SPAG1: variants seen among roughly 807,000 people sequenced by gnomAD.
SPAG1 encodes the protein sperm-associated antigen 1.
In SPAG1, 69 loss-of-function variants were observed where a neutral mutation model predicts 100.5. The observed-to-expected ratio is 0.69, with a 90% CI of 0.57 to 0.84. The LOEUF is 0.84. Ranked by LOEUF, SPAG1 falls within the 40% of genes least tolerant of loss-of-function variation. The pLI, the probability that SPAG1 is intolerant of heterozygous loss-of-function variation, is 0.00. For synonymous variants in SPAG1, 336 were observed against 411.6 expected (o/e 0.82, Z 2.22); for missense variants, 955 against 1,133.1 (o/e 0.84, Z 2.26).
intron 10 of SPAG1, among the ~76,000 whole-genome samples, chr8:100,199,377 T>A (rs1351956399): frequency 1.3e-5 from 2 of 152,232 alleles, no homozygotes; most frequent in Admixed American, 6.5e-5. Flanking sequence ...ATGTTGACTG[T>A]CTCTTCAATC....
chr8:100,180,235 G>C (rs1245930140), intron 4 of SPAG1, among the ~76,000 whole-genome samples: 1 of 152,112 alleles, frequency 6.6e-6, no homozygotes, highest in East Asian at 1.9e-4. Context: ...CTATTCAGGA[G>C]ACTGAGGTAA....
chr8:100,224,304 C>G (rs962526378), intron 13 of SPAG1, among the ~76,000 whole-genome samples: 68 of 152,054 alleles, frequency 4.5e-4, no homozygotes, highest in Non-Finnish European at 9.3e-4. Flanking sequence ...AATCTCAGCA[C>G]TTTGGTAGGC....
intron 9 of SPAG1, among the ~76,000 whole-genome samples, chr8:100,192,956 G>T (rs1816875531): frequency 6.6e-6 from 1 of 152,060 alleles, no homozygotes; most frequent in African/African-American, 2.4e-5. Flanking sequence ...CATATGCAAA[G>T]ATTAACTCAA....
At chr8:100,233,014 G>A (rs28497060) in intron 15 of SPAG1, among the ~76,000 whole-genome samples, 9,338 of 152,238 alleles carry the variant, frequency 0.061, 348 homozygotes, top group Non-Finnish European at 0.082. Context: ...ATTTGCATTG[G>A]ATAATTCTTA....
At chr8:100,205,033 A>T (rs749425468) in intron 10 of SPAG1, among the ~76,000 whole-genome samples, 1 of 152,202 alleles carries the variant, frequency 6.6e-6, no homozygotes, top group Non-Finnish European at 1.5e-5. Context: ...AGTGAAATTG[A>T]TAGGAAGCCT....
At chr8:100,207,184 C>T (rs1232647583) in intron 10 of SPAG1, among the ~76,000 whole-genome samples, 1 of 152,174 alleles carries the variant, frequency 6.6e-6, no homozygotes, top group Non-Finnish European at 1.5e-5. Flanking sequence ...CTTTCTGACC[C>T]ATCTAGCCAT....
chr8:100,187,618 T>G (rs1031843057), intron 8 of SPAG1, among the ~76,000 whole-genome samples: 9 of 151,964 alleles, frequency 5.9e-5, no homozygotes, highest in Non-Finnish European at 1.0e-4. Context: ...ATTGCTTGAG[T>G]CTAGGAGTTT....
intron 8 of SPAG1, 143 bp downstream of exon 8, chr8:100,187,393 C>A: frequency 1.8e-6 from 1 of 563,344 alleles, no homozygotes; most frequent in Non-Finnish European, 2.7e-6. Context: ...CATAAAGTTG[C>A]TTTTAAATTG....
At chr8:100,204,995 T>C (rs944898826) in intron 10 of SPAG1, among the ~76,000 whole-genome samples, 3 of 152,174 alleles carry the variant, frequency 2.0e-5, no homozygotes, top group Non-Finnish European at 4.4e-5. Flanking sequence ...AGCTCTGGCA[T>C]TGGCTAATTA....
intron 14 of SPAG1, among the ~76,000 whole-genome samples, chr8:100,228,825 A>G (rs1395423228): frequency 6.6e-6 from 1 of 152,186 alleles, no homozygotes; most frequent in African/African-American, 2.4e-5. Flanking sequence ...TATATATCAA[A>G]TTATTCCATA....
chr8:100,234,923 G>A (rs1005189409), intron 16 of SPAG1, among the ~76,000 whole-genome samples: 12 of 152,190 alleles, frequency 7.9e-5, no homozygotes, highest in Admixed American at 4.6e-4. Flanking sequence ...AGGTTGATAA[G>A]AGGGGCCCAG....
intron 14 of SPAG1, among the ~76,000 whole-genome samples, chr8:100,228,410 CAAA>C (rs71274969): frequency 2.3e-5 from 3 of 129,544 alleles, no homozygotes; most frequent in African/African-American, 2.9e-5. Context: ...CCATCTCTAC[CAAA>C]AAAAAAAAAA....
rs148150196 is a variant in SPAG1, at chr8:100,231,105, A to T, written c.1856-51A>T. 1,011 of 1,501,596 alleles carry T rather than the reference A, an allele frequency of 6.7e-4. 3 individuals carry two copies. The African/African-American group carries it at 0.012, about 17-fold the overall frequency. The allele number at this position is 1,501,596 out of a possible 1,614,324, so 93.0% of individuals were successfully genotyped here. A position where few individuals can be genotyped will look rare whatever the true frequency, so the allele number is the denominator to read the frequency against. On this transcript the variant is annotated intron_variant, in intron 14 of 18. Coordinates refer to ENST00000388798, the MANE Select transcript of SPAG1 (RefSeq NM_003114.5). ...TACTTATAGTTGTACTTAAGATTTT[A>T]TAGAGGTGCTTGTACAGATACTTCC...
Position 100,232,889 on chromosome 8 carries a change from C to T in SPAG1, c.1989-522C>T, listed in dbSNP as rs569576616. Among the ~76,000 whole-genome samples, 3 of 152,336 alleles carry T rather than the reference C, an allele frequency of 2.0e-5. No individual in the cohort carries two copies. In the East Asian group the frequency reaches 5.8e-4, roughly 29 times the overall value. ...TGCATTCCAGCCATATGGAACTCTTCTTAATTCTTCAGGAACACCATATTC... is the reference window on the plus strand; with the variant it reads ...TGCATTCCAGCCATATGGAACTCTTTTTAATTCTTCAGGAACACCATATTC... On this transcript the variant is annotated intron_variant, in intron 15 of 18. Transcript: ENST00000388798.
intron 3 of SPAG1, among the ~76,000 whole-genome samples, chr8:100,174,133 C>T (rs1045282319): frequency 6.6e-6 from 1 of 152,144 alleles, no homozygotes; most frequent in Non-Finnish European, 1.5e-5. Flanking sequence ...AATCTACTTA[C>T]AACTTTTGAC....
chr8:100,190,779 C>T (rs1471647643), intron 8 of SPAG1, among the ~76,000 whole-genome samples: 1 of 151,366 alleles, frequency 6.6e-6, no homozygotes, highest in Non-Finnish European at 1.5e-5. Flanking sequence ...ATTCTCCTGC[C>T]TCAGTCTCCC....
chr8:100,163,638 C>T (rs568648428), intron 2 of SPAG1, among the ~76,000 whole-genome samples: 1 of 152,284 alleles, frequency 6.6e-6, no homozygotes, highest in East Asian at 1.9e-4. Flanking sequence ...TCTTTATTTC[C>T]TCTATCCCTA....
chr8:100,174,766 A>G lies in SPAG1; in HGVS notation c.301-3050A>G, dbSNP rs147173782. ...GGTTCAGAAGCACTTACCTTCATGA[A>G]GTCATCTTCTGTTAATTACTGTGGT... On this transcript the variant is annotated intron_variant, in intron 3 of 18. Coordinates refer to ENST00000388798, the MANE Select transcript of SPAG1 (RefSeq NM_003114.5). Among the ~76,000 whole-genome samples the G allele has an allele frequency of 2.0e-5, 3 of 152,268 alleles. No homozygotes were observed. The East Asian group carries it at 5.8e-4, about 29-fold the overall frequency.
intron 10 of SPAG1, among the ~76,000 whole-genome samples, chr8:100,208,787 C>T (rs956656299): frequency 6.6e-6 from 1 of 152,214 alleles, no homozygotes; most frequent in Non-Finnish European, 1.5e-5. Flanking sequence ...GGGATTGGTG[C>T]ATTTCTGGTT....
Sources: gnomAD v4.1 joint callset for allele counts (sites outside exome capture counted in the v4.1 genomes callset) on GRCh38, gnomAD v4.1.1 for gene constraint, MANE v1.5 for transcripts, NCBI Gene and HGNC (gene_info 2026-07-23, HGNC 2026-07-21) for gene names.